Variants in MYO5B observed in about 807,000 individuals in gnomAD.
MYO5B encodes myosin VB, also known as unconventional myosin-Vb.
A neutral mutation model predicts 229.3 loss-of-function variants in MYO5B; 143 were observed. The ratio of observed to expected loss-of-function variants is 0.62; its 90% CI spans 0.54 to 0.72. MYO5B has a LOEUF of 0.72. Ranked by LOEUF, MYO5B falls within the 30% of genes least tolerant of loss-of-function variation. The pLI, the probability that MYO5B is intolerant of heterozygous loss-of-function variation, is 0.00. For synonymous variants in MYO5B, 918 were observed against 885.2 expected, an observed-to-expected ratio of 1.04 and a Z score of -0.66; for missense variants, 2,321 against 2,331.0, an observed-to-expected ratio of 1.00 and a Z score of 0.09.
chr18:50,176,473 C>T (rs2032998409), intron 1 of MYO5B, among the ~76,000 whole-genome samples: 1 of 152,192 alleles, frequency 6.6e-6, no homozygotes, highest in African/African-American at 2.4e-5. Flanking sequence ...AATTTAAATG[C>T]ATCCATGAGC....
At chr18:50,141,434 AAGCTGTAACACTGCCTG>A (rs1229129777) in intron 1 of MYO5B, among the ~76,000 whole-genome samples, 2 of 152,336 alleles carry the variant, frequency 1.3e-5, no homozygotes, top group East Asian at 1.9e-4. Flanking sequence ...AGTTGTCATG[AAGCTGTAACACTGCCTG>A]AGCTGTAACA....
intron 18 of MYO5B, among the ~76,000 whole-genome samples, chr18:49,909,063 C>CA (rs2024930422): frequency 1.3e-5 from 2 of 152,308 alleles, no homozygotes; most frequent in Middle Eastern, 3.4e-3. Flanking sequence ...CCTTTGTCCC[C>CA]ACTTCTCATC....
chr18:50,107,155 T>G (rs1042491366), intron 1 of MYO5B, among the ~76,000 whole-genome samples: 1 of 123,816 alleles, frequency 8.1e-6, no homozygotes, highest in Non-Finnish European at 1.6e-5. Flanking sequence ...AGTCTCCCTC[T>G]GTCACCCAGG....
chr18:50,080,434 C>T (rs371699373), intron 1 of MYO5B, among the ~76,000 whole-genome samples: 9 of 152,296 alleles, frequency 5.9e-5, no homozygotes, highest in African/African-American at 2.2e-4. Context: ...TCTCTCCCTG[C>T]ATCCTTTCAA....
intron 1 of MYO5B, among the ~76,000 whole-genome samples, chr18:50,111,462 C>T (rs757879709): frequency 1.3e-5 from 2 of 152,110 alleles, no homozygotes; most frequent in African/African-American, 2.4e-5. Flanking sequence ...TTCTGGTTCT[C>T]ATTCTCTTTG....
At chr18:49,934,435 G>A (rs958593983) in intron 16 of MYO5B, among the ~76,000 whole-genome samples, 1 of 152,240 alleles carries the variant, frequency 6.6e-6, no homozygotes, top group South Asian at 2.1e-4. Context: ...CTCAGGACTA[G>A]AAAGTCCCCA....
At chr18:50,024,008 G>A (rs968763621) in intron 4 of MYO5B, among the ~76,000 whole-genome samples, 1 of 152,162 alleles carries the variant, frequency 6.6e-6, no homozygotes, top group Non-Finnish European at 1.5e-5. Context: ...ATATAAGGAA[G>A]TAAAATGGAC....
At position 49,992,407 on chromosome 18, in the gene MYO5B, G is replaced by T. The variant is rs371567612; in HGVS notation, c.637C>A (p.Arg213Ser). The change falls in exon 6 of 40, where the codon CGC becomes AGC. Residue 213 changes from arginine to serine, a missense_variant. Arg to Ser is a moderately radical substitution (Grantham distance 110, BLOSUM62 -1). This residue lies in a region of MYO5B where 2,113 missense variants were observed against 2,044.7 expected (regional missense o/e 1.03). Coordinates refer to ENST00000285039, the MANE Select transcript of MYO5B (RefSeq NM_001080467.3). Reference protein sequence around the residue: ...MEAIGNAKTTRNDNSSRFGKY... With the variant: ...MEAIGNAKTTSNDNSSRFGKY... The stretch of plus-strand genomic sequence containing the variant: ...CCAAAACGGCTGCTGTTGTCATTGC[G>T]GGTGGTCTTGGCATTTCCAATGGCC... The T allele has an allele frequency of 5.0e-6, 8 of 1,614,076 alleles. No homozygotes were observed. Among genetic ancestry groups the T allele is most frequent in the Non-Finnish European group, 5.9e-6 (7 of 1,180,000 alleles).
At chr18:49,868,871 G>A (rs538406846) in intron 27 of MYO5B, among the ~76,000 whole-genome samples, 1 of 152,346 alleles carries the variant, frequency 6.6e-6, no homozygotes, top group African/African-American at 2.4e-5. Context: ...TGCAGGGTAC[G>A]TAGTCAATGT....
intron 1 of MYO5B, among the ~76,000 whole-genome samples, chr18:50,077,357 A>G (rs1444257855): frequency 2.6e-5 from 4 of 152,120 alleles, no homozygotes; most frequent in Non-Finnish European, 5.9e-5. Context: ...ACTTCACAGC[A>G]TGTTAGATTA....
chr18:50,099,156 T>A (rs1233791784), intron 1 of MYO5B: 1 of 152,278 alleles, frequency 6.6e-6, no homozygotes, highest in African/African-American at 2.4e-5. Context: ...CTGGAGTTTC[T>A]TAAAGTCTGA....
chr18:50,165,667 T>C (rs2032838184), intron 1 of MYO5B, among the ~76,000 whole-genome samples: 1 of 151,902 alleles, frequency 6.6e-6, no homozygotes, highest in Non-Finnish European at 1.5e-5. Flanking sequence ...TCCCAGCTAC[T>C]CAGGAGGCTG....
chr18:49,878,793 A>C, intron 24 of MYO5B, 152 bp downstream of exon 24: 1 of 931,402 alleles, frequency 1.1e-6, no homozygotes, highest in Non-Finnish European at 1.7e-6. Flanking sequence ...CAGTCCAGCT[A>C]CCTTTGCCTC....
chr18:50,137,691 C>A (rs2032356093), intron 1 of MYO5B, among the ~76,000 whole-genome samples: 2 of 152,148 alleles, frequency 1.3e-5, no homozygotes. Context: ...CCAATGTTGA[C>A]TGCTGTACTA....
intron 1 of MYO5B, among the ~76,000 whole-genome samples, chr18:50,082,315 G>C (rs1231882936): frequency 6.6e-6 from 1 of 152,216 alleles, no homozygotes; most frequent in Non-Finnish European, 1.5e-5. Context: ...AATATTATAA[G>C]CTCAAGTGTG....
At chr18:50,135,212 G>A (rs1287123114) in intron 1 of MYO5B, among the ~76,000 whole-genome samples, 2 of 152,184 alleles carry the variant, frequency 1.3e-5, no homozygotes, top group South Asian at 4.1e-4. Flanking sequence ...TACTTTGGAA[G>A]AGAAAAATAG....
At chr18:50,093,016 T>C (rs1362916821) in intron 1 of MYO5B, among the ~76,000 whole-genome samples, 1 of 152,174 alleles carries the variant, frequency 6.6e-6, no homozygotes, top group Non-Finnish European at 1.5e-5. Flanking sequence ...ACTTTCAATA[T>C]CTATTATTCT....
At chr18:50,186,349 A>G (rs190339892) in intron 1 of MYO5B, among the ~76,000 whole-genome samples, 1 of 152,364 alleles carries the variant, frequency 6.6e-6, no homozygotes, top group Non-Finnish European at 1.5e-5. Context: ...TGTTTCAATA[A>G]TCATTTGTAT....
chr18:50,008,693 C>G lies in MYO5B; in HGVS notation c.456-7282G>C, dbSNP rs142845470. On this transcript the variant is annotated intron_variant, in intron 4 of 39. Transcript: ENST00000285039. ...GTTGCAAAACAGGAAGAAGGGGAAG[C>G]CTGGCTTGCCAAGCCACCACAGAAA... 1.0e-3 allele frequency among the ~76,000 whole-genome samples: 154 copies of G among 152,278 alleles called. 4 individuals are homozygous for G. The East Asian group carries it at 0.027, about 27-fold the overall frequency.
Sources: gnomAD v4.1 joint callset for allele counts (sites outside exome capture counted in the v4.1 genomes callset) on GRCh38, gnomAD v4.1.1 for gene constraint, gnomAD v4.1.1 regional missense constraint, MANE v1.5 for transcripts, NCBI Gene and HGNC (gene_info 2026-07-23, HGNC 2026-07-21) for gene names.